GPCPD1: variants seen among roughly 807,000 people sequenced by gnomAD.
GPCPD1 encodes glycerophosphocholine phosphodiesterase GPCPD1.
In GPCPD1, 29 loss-of-function variants were observed where a neutral mutation model predicts 89.2. That is an observed-to-expected ratio of 0.33 (90% CI 0.24 to 0.44). The LOEUF (loss-of-function observed/expected upper bound fraction) is 0.44, where lower values mean the gene tolerates loss of function less well. Among genes scored for constraint, GPCPD1 ranks in the 20% least tolerant of loss-of-function variants. GPCPD1 has a pLI of 1.00. For missense variants in GPCPD1, 594 were observed against 808.9 expected (o/e 0.73, Z 3.22); for synonymous variants, 258 against 266.3 (o/e 0.97, Z 0.30).
intron 11 of GPCPD1, among the ~76,000 whole-genome samples, chr20:5,572,528 T>A: frequency 6.6e-6 from 1 of 152,296 alleles, no homozygotes; most frequent in South Asian, 2.1e-4. Context: ...AGATGTTAGT[T>A]CATATAAGTA....
At chr20:5,559,456 AC>A (rs1310787679) in intron 17 of GPCPD1, among the ~76,000 whole-genome samples, 3 of 152,160 alleles carry the variant, frequency 2.0e-5, no homozygotes, top group Non-Finnish European at 2.9e-5. Context: ...TTAATGGCAC[AC>A]ACGTGCAGTC....
Position 5,567,471 on chromosome 20 carries a change from T to C in GPCPD1, c.1227+12A>G, listed in dbSNP as rs771192109. ...CTAAGGGATAATTTACATTTCATGT[T>C]ATTATTACTACCTTTAACAACTGGA... On this transcript the variant is annotated intron_variant, in intron 13 of 19. Transcript: ENST00000379019. 2 of 1,558,056 alleles carry C rather than the reference T, an allele frequency of 1.3e-6. No individual in the cohort carries two copies. Among genetic ancestry groups the C allele is most frequent in the South Asian group, 1.2e-5 (1 of 80,630 alleles).
chr20:5,580,407 A>G (rs1310728777), intron 6 of GPCPD1, among the ~76,000 whole-genome samples: 1 of 152,200 alleles, frequency 6.6e-6, no homozygotes, highest in African/African-American at 2.4e-5. Flanking sequence ...CAATAAAAAA[A>G]GAATTAACTT....
chr20:5,552,463 A>G (rs1048898899), intron 19 of GPCPD1, among the ~76,000 whole-genome samples: 4 of 152,230 alleles, frequency 2.6e-5, no homozygotes, highest in Non-Finnish European at 4.4e-5. Context: ...TTTGATTTCA[A>G]CCAAGTAAAG....
At chr20:5,552,990 T>TA (rs1490927558) in intron 19 of GPCPD1, among the ~76,000 whole-genome samples, 1 of 152,204 alleles carries the variant, frequency 6.6e-6, no homozygotes, top group African/African-American at 2.4e-5. Context: ...AAATTTCTTA[T>TA]AATTTAATTT....
At chr20:5,565,368 C>G (rs571598496) in intron 14 of GPCPD1, among the ~76,000 whole-genome samples, 1 of 151,978 alleles carries the variant, frequency 6.6e-6, no homozygotes, top group African/African-American at 2.4e-5. Context: ...AGTAGCTATG[C>G]CCATAGACAT....
At chr20:5,548,977 A>T in intron 19 of GPCPD1, 1 of 912,900 alleles carries the variant, frequency 1.1e-6, no homozygotes, top group Non-Finnish European at 1.6e-6. Context: ...GTTTTTTTAA[A>T]AAAGATAAAA....
chr20:5,569,783 T>C (rs1278921889), intron 12 of GPCPD1, among the ~76,000 whole-genome samples: 1 of 152,230 alleles, frequency 6.6e-6, no homozygotes, highest in Non-Finnish European at 1.5e-5. Flanking sequence ...ACTAGCCTTA[T>C]TAATTGAAGA....
At chr20:5,579,859 T>A (rs1978337926) in intron 7 of GPCPD1, 149 bp downstream of exon 7, 7 of 473,936 alleles carry the variant, frequency 1.5e-5, no homozygotes, top group African/African-American at 4.0e-5. Flanking sequence ...TGAGCGGGGA[T>A]AAGTAGTTCA....
At chr20:5,582,208 A>AAC (rs1568664956) in intron 6 of GPCPD1, among the ~76,000 whole-genome samples, 1 of 144,838 alleles carries the variant, frequency 6.9e-6, no homozygotes, top group African/African-American at 2.6e-5. Flanking sequence ...AAAAAAAAAA[A>AAC]AAAAAAAAAA....
intron 3 of GPCPD1, among the ~76,000 whole-genome samples, chr20:5,594,699 G>A (rs572059814): frequency 6.6e-6 from 1 of 152,302 alleles, no homozygotes; most frequent in Non-Finnish European, 1.5e-5. Context: ...GCTAAGACAG[G>A]TTTTAGGGCA....
rs1985026183 is a variant in GPCPD1 at position 5,546,385 on chromosome 20, G to A, written c.*1276C>T. 1 of 152,152 alleles carries A rather than the reference G, an allele frequency of 6.6e-6. No individual in the cohort carries two copies. The highest frequency in any genetic ancestry group is 6.5e-5 in the Admixed American group (1 of 15,278). The allele number at this position is 152,152 out of a possible 1,614,324, so 9.4% of individuals were successfully genotyped here. A position where few individuals can be genotyped will look rare whatever the true frequency, so the allele number is the denominator to read the frequency against. ...GATGCAAATAAGCCATCCCTTTAGG[G>A]TAGACACTATATTAAAATTTCTTGT... On this transcript the variant is annotated 3_prime_UTR_variant, in exon 20 of 20. Transcript: ENST00000379019.
chr20:5,558,745 A>G lies in GPCPD1; in HGVS notation c.1607T>C (p.Met536Thr). Residue 536 changes from methionine (M) to threonine (T), a missense_variant, in exon 18 of 20, where the codon ATG becomes ACG. Met to Thr is a moderately conservative substitution (Grantham distance 81, BLOSUM62 -1). Coordinates refer to ENST00000379019, the MANE Select transcript of GPCPD1 (RefSeq NM_019593.5). ...GGGGGTTGTCCGAGATCTGAGGTCC[A>G]TGAGTTCAGGATAAATCTCAGATTT... is the stretch of plus-strand genomic sequence containing the variant. ...QGKSEIYPEL[M>T]DLRSRTTPIA... is the part of the protein sequence containing the mutation. 6.2e-7 allele frequency: 1 copy of G among 1,600,966 alleles called. No individual in the cohort carries two copies. Among genetic ancestry groups the G allele is most frequent in the Non-Finnish European group, 8.5e-7 (1 of 1,172,188 alleles).
chr20:5,588,144 TATAAC>T (rs934162772), intron 4 of GPCPD1, among the ~76,000 whole-genome samples: 1 of 152,248 alleles, frequency 6.6e-6, no homozygotes, highest in African/African-American at 2.4e-5. Context: ...TGATGTTTAC[TATAAC>T]ATTTTTCCTG....
chr20:5,560,509 A>AT (rs754439303), intron 16 of GPCPD1, among the ~76,000 whole-genome samples: 14 of 152,232 alleles, frequency 9.2e-5, no homozygotes, highest in South Asian at 4.1e-4. Flanking sequence ...GGTCTTGGGC[A>AT]TATCAAGTAA....
chr20:5,575,603 G>A, intron 9 of GPCPD1, 58 bp from the exon 10 acceptor site: 2 of 1,172,976 alleles, frequency 1.7e-6, no homozygotes, highest in Non-Finnish European at 2.5e-6. Flanking sequence ...GGGCCATTAT[G>A]AGCTACATTA....
intron 4 of GPCPD1, among the ~76,000 whole-genome samples, chr20:5,590,437 GGAGGCT>G: frequency 6.7e-6 from 1 of 149,896 alleles, no homozygotes; most frequent in Middle Eastern, 3.2e-3. Context: ...TCAGCTACTT[GGAGGCT>G]GAGGCAGAAG....
intron 4 of GPCPD1, among the ~76,000 whole-genome samples, chr20:5,590,779 A>G (rs952812611): frequency 6.6e-6 from 1 of 152,226 alleles, no homozygotes; most frequent in African/African-American, 2.4e-5. Context: ...GTCTTGTTAA[A>G]GGAAGGACTT....
At chr20:5,556,599 C>A (rs1985783061) in intron 19 of GPCPD1, among the ~76,000 whole-genome samples, 1 of 152,162 alleles carries the variant, frequency 6.6e-6, no homozygotes, top group African/African-American at 2.4e-5. Context: ...CTGAGGTACA[C>A]CTGTATGAGC....
Sources: gnomAD v4.1 joint callset for allele counts (sites outside exome capture counted in the v4.1 genomes callset) on GRCh38, gnomAD v4.1.1 for gene constraint, MANE v1.5 for transcripts, NCBI Gene and HGNC (gene_info 2026-07-23, HGNC 2026-07-21) for gene names.